KIAA0232: variants seen among roughly 807,000 people sequenced by gnomAD.
KIAA0232 encodes KIAA0232.
Under a neutral mutation model 122.0 loss-of-function variants are expected in KIAA0232, and 27 were observed. That is an observed-to-expected ratio of 0.22 (90% CI 0.16 to 0.31). The LOEUF is 0.31. Among genes scored for constraint, KIAA0232 ranks in the 10% least tolerant of loss-of-function variants. The pLI is 1.00. For synonymous variants in KIAA0232, 613 were observed against 587.6 expected, an observed-to-expected ratio of 1.04 and a Z score of -0.63; for missense variants, 1,551 against 1,634.2, an observed-to-expected ratio of 0.95 and a Z score of 0.88.
intron 2 of KIAA0232, among the ~76,000 whole-genome samples, chr4:6,822,326 C>G (rs1404880300): frequency 6.6e-6 from 1 of 152,088 alleles, no homozygotes; most frequent in Non-Finnish European, 1.5e-5. Context: ...AATTTAGTAA[C>G]TTAGTCCTGC....
At chr4:6,878,972 CCCCAAACTGAGACATATT>C (rs1721910102) in intron 9 of KIAA0232, among the ~76,000 whole-genome samples, 1 of 152,148 alleles carries the variant, frequency 6.6e-6, no homozygotes, top group African/African-American at 2.4e-5. Flanking sequence ...CAGCCTCAAA[CCCCAAACTGAGACATATT>C]CCCCAGTCCT....
At chr4:6,785,031 G>A (rs1339404735) in intron 1 of KIAA0232, among the ~76,000 whole-genome samples, 3 of 150,978 alleles carry the variant, frequency 2.0e-5, no homozygotes, top group East Asian at 2.0e-4. Flanking sequence ...TCCGCCCGCC[G>A]GGTACAAGCG....
intron 9 of KIAA0232, among the ~76,000 whole-genome samples, chr4:6,878,386 TACATAC>T (rs755780743): frequency 2.0e-5 from 3 of 151,936 alleles, no homozygotes; most frequent in African/African-American, 7.3e-5. Flanking sequence ...CATTCATACA[TACATAC>T]ATACATACAT....
chr4:6,807,358 T>C (rs1360105436), intron 2 of KIAA0232, among the ~76,000 whole-genome samples: 2 of 152,244 alleles, frequency 1.3e-5, no homozygotes, highest in African/African-American at 4.8e-5. Context: ...TTCATTTTAA[T>C]TGTCACTGGA....
chr4:6,852,284 A>G (rs916441219), intron 4 of KIAA0232, among the ~76,000 whole-genome samples: 15 of 152,038 alleles, frequency 9.9e-5, no homozygotes, highest in African/African-American at 3.6e-4. Flanking sequence ...TTCACTTTGT[A>G]TTGCTTCTCT....
chr4:6,813,791 G>T (rs1014056849), intron 2 of KIAA0232, among the ~76,000 whole-genome samples: 5 of 152,036 alleles, frequency 3.3e-5, no homozygotes, highest in African/African-American at 7.2e-5. Flanking sequence ...CCCTGGGCTG[G>T]TTATAAACTC....
chr4:6,783,698 G>A (rs1716473597), intron 1 of KIAA0232, among the ~76,000 whole-genome samples: 1 of 150,700 alleles, frequency 6.6e-6, no homozygotes, highest in Non-Finnish European at 1.5e-5. Context: ...CGCGGCGCGG[G>A]GGGCGGGCCT....
chr4:6,797,589 G>A lies in KIAA0232; in HGVS notation c.-353-6934G>A, dbSNP rs184675998. The stretch of plus-strand genomic sequence containing the variant: ...ATTCGAGACCAGCCTGGGCAACATA[G>A]CAAGATCCCATCTCTTAAAAAAAAA... On this transcript the variant is annotated intron_variant, in intron 1 of 9. Transcript: ENST00000307659. Among the ~76,000 whole-genome samples, 151 of 150,750 alleles carry A rather than the reference G, an allele frequency of 1.0e-3. No homozygotes were observed. The East Asian group carries it at 0.019, about 19-fold the overall frequency.
intron 2 of KIAA0232, among the ~76,000 whole-genome samples, 199 bp from the exon 3 acceptor site, chr4:6,823,986 A>G (rs1024454548): frequency 6.6e-6 from 1 of 152,182 alleles, no homozygotes; most frequent in African/African-American, 2.4e-5. Context: ...ACTTGCTGGT[A>G]CACAGGAAGG....
At chr4:6,848,173 C>G (rs187639475) in intron 4 of KIAA0232, among the ~76,000 whole-genome samples, 2 of 152,208 alleles carry the variant, frequency 1.3e-5, no homozygotes, top group Non-Finnish European at 1.5e-5. Flanking sequence ...CTTATATTCT[C>G]ACATTGAGCT....
rs1432209464 is a variant in KIAA0232, at chr4:6,861,487, C to T, written c.1105C>T (p.Pro369Ser). 10 of 1,613,814 alleles carry T rather than the reference C, an allele frequency of 6.2e-6. No homozygotes were observed. Among genetic ancestry groups the T allele is most frequent in the African/African-American group, 1.3e-5 (1 of 74,826 alleles). Residue 369 changes from proline (P) to serine (S), a missense_variant, in exon 7 of 10, where the codon CCT (proline) becomes TCT (serine). Physicochemically the swap from Pro to Ser is moderately conservative, Grantham distance 74. This residue lies in a region of KIAA0232 where 377 missense variants were observed against 381.7 expected (regional missense o/e 0.99). Coordinates refer to ENST00000307659, the MANE Select transcript of KIAA0232 (RefSeq NM_014743.3). ...VKQLCKRGKR[P>S]LKEIGRKDPG... ...ACAGCTGTGCAAGCGGGGTAAGAGA[C>T]CTTTAAAAGAAATAGGGAGAAAAGA...
intron 2 of KIAA0232, among the ~76,000 whole-genome samples, chr4:6,815,189 T>C (rs1420330371): frequency 1.3e-5 from 2 of 152,228 alleles, no homozygotes; most frequent in Admixed American, 6.5e-5. Context: ...ATTTGAGTGT[T>C]TGCCAGTTGT....
intron 4 of KIAA0232, among the ~76,000 whole-genome samples, chr4:6,847,684 T>A (rs1720039116): frequency 6.6e-6 from 1 of 152,186 alleles, no homozygotes; most frequent in Admixed American, 6.5e-5. Flanking sequence ...CAGTTAGTAA[T>A]GGGGTCTGTA....
chr4:6,842,140 A>C lies in KIAA0232; in HGVS notation c.305A>C (p.Asp102Ala). ...KWGKSKKKCS[D>A]LTLEEMKKQA... is the part of the protein sequence containing the mutation. The stretch of plus-strand genomic sequence containing the variant: ...GGAAAGAGTAAGAAAAAATGTTCAG[A>C]TCTAACTCTAGAAGAAATGAAAAAA... The change falls in exon 4 of 10, where the codon GAT (aspartate) becomes GCT (alanine). Residue 102 changes from aspartate (D) to alanine (A), a missense_variant. By Grantham distance (126) the Asp-to-Ala change is moderately radical. This residue lies in a region of KIAA0232 where 377 missense variants were observed against 381.7 expected (regional missense o/e 0.99). Transcript: ENST00000307659. 4 of 1,612,912 alleles carry C rather than the reference A, an allele frequency of 2.5e-6. No individual in the cohort carries two copies. The highest frequency in any genetic ancestry group is 3.4e-6 in the Non-Finnish European group (4 of 1,179,658).
chr4:6,880,943 C>T lies in KIAA0232; in HGVS notation c.4165C>T (p.Leu1389Phe), dbSNP rs2108865168. The change falls in exon 10 of 10, where the codon CTC (leucine) becomes TTC (phenylalanine). Residue 1389 changes from leucine to phenylalanine, a missense_variant. Physicochemically the swap from Leu to Phe is conservative, Grantham distance 22. Around this residue, in one of 5 missense-constraint regions of KIAA0232, gnomAD observed 1,108 missense variants for 1,154.8 expected, o/e 0.96. Transcript: ENST00000307659. ...GTGGGTGGGCCCTAGTGAAGAGGAG[C>T]TCTTTTCTCGAACTCATCTCTAAAC... ...GEWVGPSEEE[L>F]FSRTHL 1.9e-6 allele frequency: 3 copies of T among 1,568,444 alleles called. No homozygotes were observed. The highest frequency in any genetic ancestry group is 2.3e-5 in the East Asian group (1 of 43,622).
chr4:6,805,648 A>G (rs1236843392), intron 2 of KIAA0232, among the ~76,000 whole-genome samples: 1 of 152,206 alleles, frequency 6.6e-6, no homozygotes, highest in Non-Finnish European at 1.5e-5. Flanking sequence ...ATGCCCAGAC[A>G]TTTTGAGGAC....
intron 3 of KIAA0232, among the ~76,000 whole-genome samples, chr4:6,829,448 TCCC>T (rs1204522769): frequency 1.3e-5 from 2 of 152,230 alleles, no homozygotes; most frequent in African/African-American, 4.8e-5. Context: ...AACTCAGTGA[TCCC>T]CTCTACATTT....
chr4:6,785,359 A>G (rs555817038), intron 1 of KIAA0232, among the ~76,000 whole-genome samples: 1 of 152,222 alleles, frequency 6.6e-6, no homozygotes, highest in African/African-American at 2.4e-5. Context: ...TTTATTTTTC[A>G]TTGTGTGGAA....
chr4:6,789,799 G>T (rs1265821459), intron 1 of KIAA0232, among the ~76,000 whole-genome samples: 6 of 152,174 alleles, frequency 3.9e-5, no homozygotes, highest in African/African-American at 1.4e-4. Context: ...AAGCGAGGTG[G>T]GAGGATCACT....
Sources: gnomAD v4.1 joint callset for allele counts (sites outside exome capture counted in the v4.1 genomes callset) on GRCh38, gnomAD v4.1.1 for gene constraint, gnomAD v4.1.1 regional missense constraint, MANE v1.5 for transcripts, NCBI Gene and HGNC (gene_info 2026-07-23, HGNC 2026-07-21) for gene names.